Variants in MPP7 observed in about 807,000 individuals in gnomAD.
The protein encoded by MPP7 is MAGUK p55 subfamily member 7.
MPP7 carries 60 observed loss-of-function variants against 76.5 expected under a neutral mutation model. The observed-to-expected ratio is 0.78, with a 90% confidence interval of 0.64 to 0.97. MPP7 has a LOEUF of 0.97. MPP7 is among the 50% of genes least tolerant of loss of function. The pLI, the probability that MPP7 is intolerant of heterozygous loss-of-function variation, is 0.00. For synonymous variants in MPP7, 237 were observed against 244.5 expected (o/e 0.97, Z 0.29); for missense variants, 641 against 694.0 (o/e 0.92, Z 0.86).
chr10:28,321,952 T>TGTGTGTGTGA (rs748586729), intron 2 of MPP7, among the ~76,000 whole-genome samples: 2 of 55,694 alleles, frequency 3.6e-5, no homozygotes, highest in African/African-American at 1.3e-4. Flanking sequence ...TGTAGACGTG[T>TGTGTGTGTGA]GTGTGTGTGT....
In MPP7 at chr10:28,119,693, C is replaced by G. The variant is rs1384702925; in HGVS notation, c.910G>C (p.Glu304Gln). Residue 304 changes from glutamate to glutamine, a missense_variant, in exon 11 of 17, where the codon GAA becomes CAA. Transcript: ENST00000683449. ...QERRLALRRP[E>Q]ILVQPLKVSN... ...ACTTTCAGGGGCTGAACCAATATTT[C>G]TGGTCGTCTCAAAGCCAATCTCCTG... The G allele has an allele frequency of 6.2e-7, 1 of 1,613,608 alleles. No individual in the cohort carries two copies. Among genetic ancestry groups the G allele is most frequent in the African/African-American group, 1.3e-5 (1 of 74,876 alleles).
At chr10:28,068,276 G>A (rs1425824299) in intron 13 of MPP7, among the ~76,000 whole-genome samples, 1 of 151,862 alleles carries the variant, frequency 6.6e-6, no homozygotes, top group Non-Finnish European at 1.5e-5. Flanking sequence ...CCTATAACTT[G>A]TGACTGAAAA....
chr10:28,114,613 T>C (rs1834604455), intron 11 of MPP7, among the ~76,000 whole-genome samples: 3 of 152,104 alleles, frequency 2.0e-5, no homozygotes, highest in Admixed American at 2.0e-4. Context: ...TATATTAGTG[T>C]GCTATTATTC....
chr10:28,316,705 A>G (rs1424901341), intron 2 of MPP7, among the ~76,000 whole-genome samples: 1 of 152,198 alleles, frequency 6.6e-6, no homozygotes, highest in African/African-American at 2.4e-5. Flanking sequence ...AGTTGTATGT[A>G]GACATGCATA....
intron 2 of MPP7, among the ~76,000 whole-genome samples, chr10:28,231,200 T>A (rs1366121723): frequency 1.3e-5 from 2 of 151,522 alleles, no homozygotes; most frequent in African/African-American, 4.8e-5. Context: ...AAAACTCTTA[T>A]GTGAATATTT....
At chr10:28,094,031 A>T (rs1466355142) in intron 11 of MPP7, among the ~76,000 whole-genome samples, 1 of 152,194 alleles carries the variant, frequency 6.6e-6, no homozygotes, top group African/African-American at 2.4e-5. Flanking sequence ...GCATTTTCTA[A>T]GAGTTAAAAT....
chr10:28,072,478 C>T (rs144818699), intron 12 of MPP7, among the ~76,000 whole-genome samples: 322 of 152,304 alleles, frequency 2.1e-3, no homozygotes, highest in African/African-American at 7.6e-3. Flanking sequence ...ACCCATCAGC[C>T]ATTTTGACAT....
chr10:28,127,894 G>A (rs747426405), intron 6 of MPP7, among the ~76,000 whole-genome samples: 11 of 152,200 alleles, frequency 7.2e-5, no homozygotes, highest in African/African-American at 9.6e-5. Context: ...AAGACTGGAC[G>A]GAGGTGAAGA....
chr10:28,319,385 TG>T (rs1285075568), intron 2 of MPP7, among the ~76,000 whole-genome samples: 1 of 152,096 alleles, frequency 6.6e-6, no homozygotes, highest in African/African-American at 2.4e-5. Context: ...TCTTCCTAGA[TG>T]GGAATTTTAG....
intron 3 of MPP7, among the ~76,000 whole-genome samples, chr10:28,192,128 A>G (rs1363939967): frequency 6.6e-6 from 1 of 152,094 alleles, no homozygotes; most frequent in Admixed American, 6.6e-5. Flanking sequence ...AAAAACTCTG[A>G]GCAAACTGGA....
intron 2 of MPP7, among the ~76,000 whole-genome samples, chr10:28,329,568 G>A (rs974168314): frequency 2.1e-5 from 3 of 145,956 alleles, no homozygotes; most frequent in Non-Finnish European, 1.5e-5. Flanking sequence ...GGCAGAGCTT[G>A]CAGAGAGCTG....
intron 1 of MPP7, among the ~76,000 whole-genome samples, chr10:28,299,848 C>T (rs1841113411): frequency 6.6e-6 from 1 of 150,390 alleles, no homozygotes; most frequent in African/African-American, 2.5e-5. Flanking sequence ...TTACTGCAAG[C>T]TCTGCCTCTT....
At chr10:28,316,247 G>A (rs998274812) in intron 2 of MPP7, among the ~76,000 whole-genome samples, 1 of 151,712 alleles carries the variant, frequency 6.6e-6, no homozygotes, top group African/African-American at 2.4e-5. Context: ...GACCAGCCTG[G>A]CCAACGTGGT....
chr10:28,152,438 A>T (rs1234652742), intron 3 of MPP7, among the ~76,000 whole-genome samples: 1 of 152,146 alleles, frequency 6.6e-6, no homozygotes, highest in Non-Finnish European at 1.5e-5. Context: ...GCTTTTTATT[A>T]CTATTTATGA....
At chr10:28,161,789 A>G (rs1015229827) in intron 3 of MPP7, among the ~76,000 whole-genome samples, 1 of 152,226 alleles carries the variant, frequency 6.6e-6, no homozygotes, top group African/African-American at 2.4e-5. Flanking sequence ...ATTCTAATTC[A>G]AATAGATTCT....
At chr10:28,142,548 T>C (rs1324257464) in intron 5 of MPP7, among the ~76,000 whole-genome samples, 3 of 152,136 alleles carry the variant, frequency 2.0e-5, no homozygotes, top group Admixed American at 1.3e-4. Context: ...CTGGCCAACA[T>C]GTCAAAACCC....
chr10:28,313,557 A>T (rs1307652500), intron 2 of MPP7, among the ~76,000 whole-genome samples: 1 of 152,164 alleles, frequency 6.6e-6, no homozygotes, highest in Non-Finnish European at 1.5e-5. Context: ...TATCCTAAAT[A>T]GTGACAAATT....
chr10:28,074,451 C>T (rs1284644422), intron 12 of MPP7, among the ~76,000 whole-genome samples: 1 of 152,086 alleles, frequency 6.6e-6, no homozygotes, highest in Non-Finnish European at 1.5e-5. Flanking sequence ...GTGTGCACCA[C>T]CATACCTGGC....
At position 28,262,208 on chromosome 10, in the gene MPP7, CATATATAT is replaced by C. The variant is rs56940942; in HGVS notation, c.-131-23481_-131-23474del. ...AATTATATATATATATATATATATA[CATATATAT>C]ATATATATACATATATATATATATA... On this transcript the variant is annotated intron_variant, in intron 1 of 16. Transcript: ENST00000683449. Among the ~76,000 whole-genome samples the C allele has an allele frequency of 6.7e-5, 4 of 60,110 alleles. 1 individual carries two copies. The highest frequency in any genetic ancestry group is 1.0e-4 in the Non-Finnish European group (4 of 38,812). The allele number at this position is 60,110 out of a possible 152,430, so 39.4% of individuals were successfully genotyped here. A position where few individuals can be genotyped will look rare whatever the true frequency, so the allele number is the denominator to read the frequency against.
Sources: gnomAD v4.1 joint callset for allele counts (sites outside exome capture counted in the v4.1 genomes callset) on GRCh38, gnomAD v4.1.1 for gene constraint, MANE v1.5 for transcripts, NCBI Gene and HGNC (gene_info 2026-07-23, HGNC 2026-07-21) for gene names.